MYRIP: variants seen among roughly 807,000 people sequenced by gnomAD.
MYRIP encodes myosin VIIA and Rab interacting protein, also known as rab effector MyRIP.
In MYRIP, 49 loss-of-function variants were observed where a neutral mutation model predicts 98.0. That is an observed-to-expected ratio of 0.50 (90% CI 0.40 to 0.63). The LOEUF (loss-of-function observed/expected upper bound fraction) is 0.63, where lower values mean the gene tolerates loss of function less well. Ranked by LOEUF, MYRIP falls within the 30% of genes least tolerant of loss-of-function variation. The pLI is 0.00. For missense variants in MYRIP, 1,004 were observed against 1,058.2 expected (o/e 0.95, Z 0.71); for synonymous variants, 404 against 409.5 (o/e 0.99, Z 0.16).
chr3:40,120,497 G>A (rs919779330), intron 3 of MYRIP, among the ~76,000 whole-genome samples: 1 of 152,198 alleles, frequency 6.6e-6, no homozygotes, highest in Non-Finnish European at 1.5e-5. Context: ...GGCAGCATTC[G>A]ATGCAACCCT....
intron 2 of MYRIP, among the ~76,000 whole-genome samples, chr3:39,956,805 G>T (rs1945176350): frequency 6.6e-6 from 1 of 151,616 alleles, no homozygotes; most frequent in South Asian, 2.1e-4. Flanking sequence ...GAAGAAAAGA[G>T]AGAAGAATCA....
At position 40,112,308 on chromosome 3, in the gene MYRIP, T is replaced by G. The variant is rs538788676; in HGVS notation, c.333-38740T>G. 9.4e-5 allele frequency among the ~76,000 whole-genome samples: 14 copies of G among 148,462 alleles called. No homozygotes were observed. In the South Asian group the frequency reaches 2.8e-3, roughly 30 times the overall value. On this transcript the variant is annotated intron_variant, in intron 3 of 16. Coordinates refer to ENST00000302541, the MANE Select transcript of MYRIP (RefSeq NM_015460.4). ...AAGGGAGGGAAAGAGGAAAGGAGAG[T>G]GAAAGAAGAAAGGAGGAAGGGACAA... is the stretch of plus-strand genomic sequence containing the variant.
intron 3 of MYRIP, among the ~76,000 whole-genome samples, chr3:40,098,435 T>G (rs1002829668): frequency 1.8e-4 from 27 of 152,156 alleles, no homozygotes; most frequent in African/African-American, 6.5e-4. Context: ...TAGTTGGCAG[T>G]GGGCAAAAAA....
chr3:40,179,511 A>T (rs569884611), intron 8 of MYRIP, among the ~76,000 whole-genome samples: 52 of 152,318 alleles, frequency 3.4e-4, no homozygotes, highest in Middle Eastern at 3.4e-3. Flanking sequence ...CAAAAATGAA[A>T]TATTAAGTAT....
intron 3 of MYRIP, among the ~76,000 whole-genome samples, chr3:40,062,675 C>G (rs1466942444): frequency 6.6e-6 from 1 of 152,094 alleles, no homozygotes; most frequent in Non-Finnish European, 1.5e-5. Context: ...TTTCTGAAAT[C>G]AGGATGGGTC....
chr3:39,956,910 A>T (rs912716482), intron 2 of MYRIP, among the ~76,000 whole-genome samples: 3 of 151,878 alleles, frequency 2.0e-5, no homozygotes, highest in African/African-American at 7.3e-5. Flanking sequence ...CCCCTACACA[A>T]ATAAACTAGA....
chr3:40,003,117 A>G (rs960911668), intron 2 of MYRIP, among the ~76,000 whole-genome samples: 7 of 151,724 alleles, frequency 4.6e-5, no homozygotes, highest in African/African-American at 1.7e-4. Context: ...ATTTATGTCT[A>G]TTTATATCTG....
intron 2 of MYRIP, among the ~76,000 whole-genome samples, chr3:39,957,446 C>G (rs1041593474): frequency 2.6e-5 from 4 of 152,026 alleles, no homozygotes; most frequent in Admixed American, 6.6e-5. Flanking sequence ...TATCTCAATA[C>G]ATGCAGAAAA....
At chr3:40,163,198 G>T (rs1288563579) in intron 5 of MYRIP, among the ~76,000 whole-genome samples, 1 of 152,088 alleles carries the variant, frequency 6.6e-6, no homozygotes, top group Non-Finnish European at 1.5e-5. Context: ...TGTCCCCTTA[G>T]AGCAGTGGTT....
intron 4 of MYRIP, among the ~76,000 whole-genome samples, chr3:40,154,707 C>A (rs1395815598): frequency 6.6e-6 from 1 of 152,156 alleles, no homozygotes; most frequent in South Asian, 2.1e-4. Context: ...CACCCTCCCC[C>A]TGCCTTGACA....
chr3:39,810,811 A>T (rs901552938), intron 1 of MYRIP: 1 of 152,236 alleles, frequency 6.6e-6, no homozygotes, highest in Admixed American at 6.5e-5. Context: ...AAACTCTTAA[A>T]TGCACACACT....
chr3:40,015,643 A>G (rs553269827), intron 2 of MYRIP, among the ~76,000 whole-genome samples: 1 of 152,348 alleles, frequency 6.6e-6, no homozygotes, highest in South Asian at 2.1e-4. Context: ...TAAGCTCCTT[A>G]GCCAGGACAG....
Position 39,987,233 on chromosome 3 carries a change from C to T in MYRIP, c.111-56817C>T, listed in dbSNP as rs527380808. On this transcript the variant is annotated intron_variant, in intron 2 of 16. Coordinates refer to ENST00000302541, the MANE Select transcript of MYRIP (RefSeq NM_015460.4). ...CCATGTGTTCTCATTATTCAGTTCCCACTTGTGAGCGAGATCATGTGGTGT... is the reference window on the plus strand; with the variant it reads ...CCATGTGTTCTCATTATTCAGTTCCTACTTGTGAGCGAGATCATGTGGTGT... Among the ~76,000 whole-genome samples, 3 of 152,208 alleles carry T rather than the reference C, an allele frequency of 2.0e-5. No individual in the cohort carries two copies. In the South Asian group the frequency reaches 6.2e-4, roughly 32 times the overall value.
intron 11 of MYRIP, among the ~76,000 whole-genome samples, chr3:40,227,405 TCC>T (rs1345311389): frequency 4.5e-4 from 68 of 152,190 alleles, no homozygotes; most frequent in African/African-American, 1.5e-3. Flanking sequence ...TCTCTCTCTC[TCC>T]CTCTATGTGT....
intron 2 of MYRIP, among the ~76,000 whole-genome samples, chr3:40,018,276 C>G (rs142216923): frequency 1.2e-3 from 178 of 152,288 alleles, no homozygotes; most frequent in Non-Finnish European, 2.2e-3. Flanking sequence ...CTTTTACCAT[C>G]AGAAATTGAC....
upstream of MYRIP, chr3:39,809,587 G>A (rs1940591191): frequency 6.6e-6 from 1 of 151,362 alleles, no homozygotes; most frequent in Non-Finnish European, 1.5e-5. Flanking sequence ...CGGGCCAGCA[G>A]GTGTCGGCGG....
intron 2 of MYRIP, among the ~76,000 whole-genome samples, chr3:39,965,508 A>G (rs956012472): frequency 3.9e-5 from 6 of 152,122 alleles, no homozygotes; most frequent in African/African-American, 1.2e-4. Flanking sequence ...TGATCTTCCT[A>G]GTAGATATTT....
At chr3:40,039,022 T>C (rs1947446628) in intron 2 of MYRIP, among the ~76,000 whole-genome samples, 1 of 152,158 alleles carries the variant, frequency 6.6e-6, no homozygotes, top group Non-Finnish European at 1.5e-5. Flanking sequence ...CCAAAGGTGG[T>C]GGCTGAGGGC....
At chr3:39,865,363 T>C (rs1942589097) in intron 1 of MYRIP, among the ~76,000 whole-genome samples, 1 of 150,772 alleles carries the variant, frequency 6.6e-6, no homozygotes, top group Admixed American at 6.6e-5. Context: ...GTAAACAGAG[T>C]AACAGAGTAA....
Sources: allele counts gnomAD v4.1 joint callset (sites outside exome capture counted in the v4.1 genomes callset), GRCh38; gene constraint gnomAD v4.1.1; transcripts MANE v1.5; gene names NCBI Gene and HGNC (gene_info 2026-07-23, HGNC 2026-07-21).